The following MACROD2 variants were observed in gnomAD, a reference collection of about 807,000 sequenced individuals.
MACROD2 encodes ADP-ribose glycohydrolase MACROD2.
In MACROD2, 36 loss-of-function variants were observed where a neutral mutation model predicts 70.4. That is an observed-to-expected ratio of 0.51 (90% CI 0.39 to 0.68). MACROD2 has a LOEUF of 0.68. Among genes scored for constraint, MACROD2 ranks in the 30% least tolerant of loss-of-function variants. The pLI is 0.00. For missense variants in MACROD2, 496 were observed against 538.4 expected (o/e 0.92, Z 0.78); for synonymous variants, 172 against 178.8 (o/e 0.96, Z 0.30).
At chr20:15,060,281 C>T (rs1290115272) in intron 5 of MACROD2, among the ~76,000 whole-genome samples, 1 of 152,194 alleles carries the variant, frequency 6.6e-6, no homozygotes, top group African/African-American at 2.4e-5. Context: ...AAGCAGCAAC[C>T]ATTCCTCTCT....
At chr20:14,609,005 G>C (rs1053562163) in intron 4 of MACROD2, among the ~76,000 whole-genome samples, 4 of 152,084 alleles carry the variant, frequency 2.6e-5, no homozygotes, top group Non-Finnish European at 5.9e-5. Context: ...TGAAGGACAG[G>C]GGAACTTGGT....
chr20:15,740,231 A>G (rs1043034543), intron 8 of MACROD2, among the ~76,000 whole-genome samples: 1 of 152,208 alleles, frequency 6.6e-6, no homozygotes, highest in Non-Finnish European at 1.5e-5. Flanking sequence ...AGTCAGTCAC[A>G]TGCCTCCTTC....
chr20:15,206,721 GTTTTTTTT>G (rs56752104), intron 5 of MACROD2, among the ~76,000 whole-genome samples: 7 of 33,000 alleles, frequency 2.1e-4, no homozygotes, highest in Non-Finnish European at 3.1e-4. Context: ...TATTATCTAT[GTTTTTTTT>G]TTTTTTTTTT....
chr20:15,923,399 CG>C (rs992043676), intron 10 of MACROD2, among the ~76,000 whole-genome samples: 7 of 152,224 alleles, frequency 4.6e-5, no homozygotes, highest in Admixed American at 1.3e-4. Flanking sequence ...CAAGAAAGAC[CG>C]GCCCCCATGA....
intron 3 of MACROD2, among the ~76,000 whole-genome samples, chr20:14,281,858 C>A (rs1228925767): frequency 1.3e-5 from 2 of 149,870 alleles, no homozygotes; most frequent in African/African-American, 4.9e-5. Flanking sequence ...TTGCTTGAAC[C>A]CAGGAGGCGG....
At chr20:14,453,624 C>T (rs1679364258) in intron 3 of MACROD2, among the ~76,000 whole-genome samples, 2 of 152,138 alleles carry the variant, frequency 1.3e-5, no homozygotes, top group East Asian at 1.9e-4. Flanking sequence ...CATTCTGCCC[C>T]TTCATCTTAT....
intron 6 of MACROD2, among the ~76,000 whole-genome samples, chr20:15,429,009 G>T (rs2046333842): frequency 6.6e-6 from 1 of 152,114 alleles, no homozygotes; most frequent in South Asian, 2.1e-4. Flanking sequence ...TACTTAAAAG[G>T]TACAGTGGAA....
intron 4 of MACROD2, among the ~76,000 whole-genome samples, chr20:14,606,715 T>G (rs1039753924): frequency 6.6e-6 from 1 of 152,150 alleles, no homozygotes; most frequent in Non-Finnish European, 1.5e-5. Flanking sequence ...AGATTAAAAT[T>G]TTTTTGTGTG....
intron 3 of MACROD2, among the ~76,000 whole-genome samples, chr20:14,285,758 T>G (rs115416264): frequency 0.016 from 2,412 of 152,210 alleles, 51 homozygotes; most frequent in African/African-American, 0.055. Flanking sequence ...ACTGGAGTGG[T>G]AATAGATTGT....
chr20:14,816,310 C>A (rs897652751), intron 5 of MACROD2, among the ~76,000 whole-genome samples: 2 of 151,950 alleles, frequency 1.3e-5, no homozygotes, highest in African/African-American at 4.8e-5. Context: ...ATCTGTATTT[C>A]TATTTTTAAC....
At chr20:15,147,343 T>A (rs2076237421) in intron 5 of MACROD2, among the ~76,000 whole-genome samples, 2 of 152,156 alleles carry the variant, frequency 1.3e-5, no homozygotes, top group South Asian at 4.1e-4. Flanking sequence ...GTGAAGAATG[T>A]TTTACATAGG....
chr20:14,785,903 C>T (rs1163392348), intron 5 of MACROD2, among the ~76,000 whole-genome samples: 1 of 151,734 alleles, frequency 6.6e-6, no homozygotes, highest in Non-Finnish European at 1.5e-5. Flanking sequence ...AAAGGGGGAG[C>T]AAGGAAAAAA....
chr20:14,651,682 T>C (rs569707460), intron 4 of MACROD2, among the ~76,000 whole-genome samples: 1 of 152,350 alleles, frequency 6.6e-6, no homozygotes, highest in East Asian at 1.9e-4. Context: ...AAAGCCACTT[T>C]GTTATAGGCC....
intron 3 of MACROD2, among the ~76,000 whole-genome samples, chr20:14,332,444 T>C (rs1210672258): frequency 6.6e-6 from 1 of 152,234 alleles, no homozygotes; most frequent in East Asian, 1.9e-4. Context: ...TATGAGAAGG[T>C]ATTTCTTATG....
intron 7 of MACROD2, among the ~76,000 whole-genome samples, chr20:15,482,856 T>C (rs568690776): frequency 1.3e-5 from 2 of 152,314 alleles, no homozygotes; most frequent in South Asian, 4.1e-4. Flanking sequence ...ATTTGCCATC[T>C]GTGTATCTTC....
chr20:15,635,720 T>C (rs1177837574), intron 8 of MACROD2, among the ~76,000 whole-genome samples: 1 of 152,156 alleles, frequency 6.6e-6, no homozygotes, highest in Non-Finnish European at 1.5e-5. Flanking sequence ...TGCCTGTGCC[T>C]CCTGATTCTA....
chr20:14,756,518 A>G (rs2071942464), intron 5 of MACROD2, among the ~76,000 whole-genome samples: 1 of 152,050 alleles, frequency 6.6e-6, no homozygotes, highest in African/African-American at 2.4e-5. Context: ...AGTTAGTTTG[A>G]CATATGGGAG....
intron 5 of MACROD2, among the ~76,000 whole-genome samples, chr20:15,031,211 T>C (rs2075271697): frequency 6.6e-6 from 1 of 152,176 alleles, no homozygotes; most frequent in South Asian, 2.1e-4. Flanking sequence ...CCCCGAAGCT[T>C]GGAGACGTCA....
intron 8 of MACROD2, among the ~76,000 whole-genome samples, chr20:15,520,766 G>A (rs905386828): frequency 1.4e-4 from 21 of 152,346 alleles, no homozygotes; most frequent in Middle Eastern, 3.4e-3. Flanking sequence ...GAAACAGCAG[G>A]TGGGGTTTAG....
Sources: allele counts gnomAD v4.1 joint callset (sites outside exome capture counted in the v4.1 genomes callset), GRCh38; gene constraint gnomAD v4.1.1; transcripts MANE v1.5; gene names NCBI Gene and HGNC (gene_info 2026-07-23, HGNC 2026-07-21).